PTCH1: variants seen among roughly 807,000 people sequenced by gnomAD.
The protein encoded by PTCH1 is protein patched homolog 1.
Under a neutral mutation model 144.6 loss-of-function variants are expected in PTCH1, and 14 were observed. The ratio of observed to expected loss-of-function variants is 0.10; its 90% CI spans 0.06 to 0.15. The LOEUF is 0.15. Ranked by LOEUF, PTCH1 falls within the 10% of genes least tolerant of loss-of-function variation. The probability of loss-of-function intolerance (pLI) is 1.00; values close to 1 mark genes in which losing one functional copy is unlikely to be tolerated. For missense variants in PTCH1, 1,623 were observed against 1,948.3 expected, an observed-to-expected ratio of 0.83 and a Z score of 3.14; for synonymous variants, 833 against 793.6, an observed-to-expected ratio of 1.05 and a Z score of -0.83.
intron 16 of PTCH1, 62 bp from the exon 17 acceptor site, chr9:95,459,845 C>G: frequency 6.5e-7 from 1 of 1,550,214 alleles, no homozygotes; most frequent in Non-Finnish European, 8.9e-7. Context: ...ACACTTCTGC[C>G]TTGAGAGCAC....
Position 95,504,022 on chromosome 9 carries a change from C to CA in PTCH1, c.394+2384dup, listed in dbSNP as rs58747037. On this transcript the variant is annotated intron_variant, in intron 2 of 23. Transcript: ENST00000331920. ...TGGGCGACAGAGCGAGACTCCGTCT[C>CA]AAAAAAAAAAAAAAAAAAAAAAAAA... Among the ~76,000 whole-genome samples the CA allele has an allele frequency of 7.4e-3, 50 of 6,720 alleles. 21 individuals are homozygous for CA. Among genetic ancestry groups the CA allele is most frequent in the Admixed American group, 0.028 (12 of 422 alleles). The allele number at this position is 6,720 out of a possible 152,430, so 4.4% of individuals were successfully genotyped here. A position where few individuals can be genotyped will look rare whatever the true frequency, so the allele number is the denominator to read the frequency against.
At position 95,456,407 on chromosome 9, in the gene PTCH1, C is replaced by A. The variant is rs2136650393; in HGVS notation, c.3175G>T (p.Val1059Phe). The A allele has an allele frequency of 6.2e-7, 1 of 1,613,854 alleles. No individual in the cohort carries two copies. Among genetic ancestry groups the A allele is most frequent in the South Asian group, 1.1e-5 (1 of 91,066 alleles). ...NPWTAGIIVM[V>F]LALMTVELFG... is the part of the protein sequence containing the mutation. The stretch of plus-strand genomic sequence containing the variant: ...AGCTCGACCGTCATCAGCGCCAGGA[C>A]CATCACCTGGAGCAGGGCACACAGT... The change falls in exon 19 of 24, where the codon GTC (valine) becomes TTC (phenylalanine). Residue 1059 changes from valine (V) to phenylalanine (F), a missense_variant. Transcript: ENST00000331920.
At chr9:95,463,119 G>C (rs1410967618) in intron 15 of PTCH1, among the ~76,000 whole-genome samples, 1 of 152,088 alleles carries the variant, frequency 6.6e-6, no homozygotes, top group Admixed American at 6.5e-5. Flanking sequence ...AGTAAGAAGG[G>C]AGAAGCGTTT....
intron 2 of PTCH1, among the ~76,000 whole-genome samples, chr9:95,489,440 C>T (rs1842217216): frequency 6.6e-6 from 1 of 152,104 alleles, no homozygotes; most frequent in Admixed American, 6.5e-5. Flanking sequence ...CCTCAACCTC[C>T]TGGGCTTAAG....
intron 14 of PTCH1, 124 bp from the exon 15 acceptor site, chr9:95,467,549 G>A: frequency 2.1e-6 from 2 of 940,674 alleles, no homozygotes; most frequent in East Asian, 2.6e-5. Flanking sequence ...ATCTTGTAGG[G>A]GTTGTTCTCC....
chr9:95,453,682 C>G (rs1588529160), intron 19 of PTCH1, 62 bp from the exon 20 acceptor site: 3 of 1,602,758 alleles, frequency 1.9e-6, no homozygotes, highest in Non-Finnish European at 2.6e-6. Context: ...ATGCTCAGCT[C>G]TGTCCTAAAT....
intron 2 of PTCH1, 38 bp downstream of exon 2, chr9:95,506,369 C>CGGGCCG: frequency 6.2e-7 from 1 of 1,600,182 alleles, no homozygotes; most frequent in Non-Finnish European, 8.5e-7. Context: ...GAGGAGGGAC[C>CGGGCCG]GGGCCGGGGG....
chr9:95,452,669 G>A (rs1156806674), intron 20 of PTCH1: 1 of 152,176 alleles, frequency 6.6e-6, no homozygotes, highest in African/African-American at 2.4e-5. Context: ...ATCCAAACTA[G>A]GCTTAGATTC....
intron 2 of PTCH1, among the ~76,000 whole-genome samples, chr9:95,487,415 G>A (rs1485240103): frequency 1.3e-5 from 2 of 152,236 alleles, no homozygotes; most frequent in Non-Finnish European, 2.9e-5. Flanking sequence ...GGAAAACACT[G>A]GGAAACAACT....
intron 12 of PTCH1, chr9:95,474,255 G>GA (rs1042825430): frequency 2.6e-5 from 8 of 309,126 alleles, no homozygotes; most frequent in African/African-American, 1.7e-4. Flanking sequence ...AGAGGAGAGA[G>GA]AATGGGCAGA....
At chr9:95,506,687 C>G in intron 1 of PTCH1, 88 bp from the exon 2 acceptor site, 10 of 1,268,284 alleles carry the variant, frequency 7.9e-6, no homozygotes, top group Non-Finnish European at 1.0e-5. Context: ...CCCGGTGAGC[C>G]CCCAACAGCC....
intron 1 of PTCH1, chr9:95,507,437 A>C: frequency 1.0e-6 from 1 of 985,344 alleles, no homozygotes; most frequent in South Asian, 4.7e-5. Flanking sequence ...CACACATTTC[A>C]GCGAGCCTCG....
intron 9 of PTCH1, 144 bp from the exon 10 acceptor site, chr9:95,477,846 T>C (rs775486390): frequency 9.8e-5 from 142 of 1,448,980 alleles, no homozygotes; most frequent in African/African-American, 1.3e-4. Context: ...GGGCGTCACA[T>C]AAAATGACAG....
chr9:95,451,705 T>C (rs759790450), intron 20 of PTCH1: 2 of 152,256 alleles, frequency 1.3e-5, no homozygotes, highest in African/African-American at 4.8e-5. Flanking sequence ...ATGGCACTTA[T>C]GGGGTGCTTG....
At chr9:95,462,933 G>A (rs985322338) in intron 15 of PTCH1, among the ~76,000 whole-genome samples, 2 of 152,108 alleles carry the variant, frequency 1.3e-5, no homozygotes, top group Admixed American at 6.5e-5. Flanking sequence ...ACAGGGCCCC[G>A]GTGACCCGGC....
In PTCH1 at chr9:95,443,333, A is replaced by G. The variant is rs911163140; in HGVS notation, c.*3060T>C. 6.6e-6 allele frequency: 1 copy of G among 152,440 alleles called. No homozygotes were observed. Among genetic ancestry groups the G allele is most frequent in the Non-Finnish European group, 1.5e-5 (1 of 68,040 alleles). The allele number at this position is 152,440 out of a possible 1,614,324, so 9.4% of individuals were successfully genotyped here. Reference sequence around the variant, plus strand: ...TGTCACAAGGTCAGCAAGATGAAACAACAGTTTCTGATGGCTCCAACACTA... The same window carrying G: ...TGTCACAAGGTCAGCAAGATGAAACGACAGTTTCTGATGGCTCCAACACTA... On this transcript the variant is annotated 3_prime_UTR_variant, in exon 24 of 24. Coordinates refer to ENST00000331920, the MANE Select transcript of PTCH1 (RefSeq NM_000264.5).
At chr9:95,494,005 C>G (rs1044319624) in intron 2 of PTCH1, among the ~76,000 whole-genome samples, 2 of 152,184 alleles carry the variant, frequency 1.3e-5, no homozygotes, top group African/African-American at 4.8e-5. Context: ...AATGTGCCTT[C>G]ATGAAGTGAG....
intron 12 of PTCH1, among the ~76,000 whole-genome samples, chr9:95,472,650 C>T (rs1478748017): frequency 3.9e-5 from 6 of 152,164 alleles, no homozygotes; most frequent in Admixed American, 3.9e-4. Context: ...CGGGCACAGG[C>T]ATGGGCACCA....
chr9:95,515,827 G>T (rs1223873491), intron 1 of PTCH1, among the ~76,000 whole-genome samples: 1 of 152,204 alleles, frequency 6.6e-6, no homozygotes, highest in Non-Finnish European at 1.5e-5. Flanking sequence ...CGCAGCATGG[G>T]AGGGGAGGTG....
Sources: allele counts gnomAD v4.1 joint callset (sites outside exome capture counted in the v4.1 genomes callset), GRCh38; gene constraint gnomAD v4.1.1; transcripts MANE v1.5; gene names NCBI Gene and HGNC (gene_info 2026-07-23, HGNC 2026-07-21).